The following C2orf74 variants were observed in gnomAD, a reference collection of about 807,000 sequenced individuals.
C2orf74 encodes DPM1 ER membrane anchor 1.
A neutral mutation model predicts 17.9 loss-of-function variants in C2orf74; 14 were observed. The observed-to-expected ratio is 0.78, with a 90% CI of 0.52 to 1.22. C2orf74 has a LOEUF of 1.22. Among genes scored for constraint, C2orf74 ranks in the 50% most tolerant of loss-of-function variants. C2orf74 has a pLI of 0.00. For synonymous variants in C2orf74, 79 were observed against 72.6 expected (o/e 1.09, Z -0.44); for missense variants, 217 against 218.4 (o/e 0.99, Z 0.04).
At chr2:61,147,841 C>T (rs917857813) in intron 1 of C2orf74, among the ~76,000 whole-genome samples, 4 of 151,420 alleles carry the variant, frequency 2.6e-5, no homozygotes, top group Non-Finnish European at 2.9e-5. Flanking sequence ...GATCTTGGCT[C>T]ACTGCAACCT....
intron 1 of C2orf74, among the ~76,000 whole-genome samples, chr2:61,146,849 C>A (rs28377588): frequency 2.1e-5 from 3 of 140,994 alleles, no homozygotes; most frequent in Admixed American, 7.0e-5. Context: ...AAAAAAAAAA[C>A]AAAAAACAAA....
chr2:61,150,222 C>G (rs1323200313), intron 1 of C2orf74, among the ~76,000 whole-genome samples: 1 of 152,190 alleles, frequency 6.6e-6, no homozygotes, highest in Non-Finnish European at 1.5e-5. Context: ...GATCCAAGTT[C>G]TGTGCCCCAG....
At chr2:61,160,159 A>G (rs994452810), upstream of C2orf74, among the ~76,000 whole-genome samples, 1 of 119,422 alleles carries the variant, frequency 8.4e-6, no homozygotes, top group Admixed American at 8.4e-5. Context: ...TCAGAATGTC[A>G]TTCCTTTTTT....
chr2:61,150,782 G>A (rs1264281901), intron 1 of C2orf74, among the ~76,000 whole-genome samples: 9 of 152,280 alleles, frequency 5.9e-5, no homozygotes, highest in Non-Finnish European at 8.8e-5. Flanking sequence ...TGAGGAAAAG[G>A]CAAGGGAGGG....
intron 1 of C2orf74, among the ~76,000 whole-genome samples, chr2:61,153,143 C>G (rs1260675771): frequency 7.3e-6 from 1 of 137,720 alleles, no homozygotes; most frequent in African/African-American, 2.7e-5. Flanking sequence ...AGCAAAACTC[C>G]GTCTCCAAAA....
chr2:61,160,791 C>T (rs1341875200), upstream of C2orf74, among the ~76,000 whole-genome samples: 1 of 152,186 alleles, frequency 6.6e-6, no homozygotes, highest in Non-Finnish European at 1.5e-5. Context: ...TGCCCAGCCA[C>T]CACATTTTAT....
intron 1 of C2orf74, among the ~76,000 whole-genome samples, chr2:61,151,031 A>G (rs964618692): frequency 6.6e-6 from 1 of 152,014 alleles, no homozygotes; most frequent in Non-Finnish European, 1.5e-5. Context: ...TAAGATGTCA[A>G]AACAGACTGG....
chr2:61,147,459 G>A (rs1685104272), intron 1 of C2orf74, among the ~76,000 whole-genome samples: 1 of 152,110 alleles, frequency 6.6e-6, no homozygotes, highest in African/African-American at 2.4e-5. Flanking sequence ...ATTTCCATCT[G>A]CAGTATCGAA....
At chr2:61,158,291 G>C (rs928480035), upstream of C2orf74, among the ~76,000 whole-genome samples, 1 of 152,200 alleles carries the variant, frequency 6.6e-6, no homozygotes, top group Non-Finnish European at 1.5e-5. Flanking sequence ...AATCAGTGTA[G>C]TGTAGGAGGT....
intron 1 of C2orf74, among the ~76,000 whole-genome samples, chr2:61,152,898 G>A (rs1395176432): frequency 4.0e-5 from 6 of 149,110 alleles, no homozygotes; most frequent in African/African-American, 1.5e-4. Flanking sequence ...GCTCGCGCCT[G>A]TAATCCCAGT....
intron 1 of C2orf74, among the ~76,000 whole-genome samples, chr2:61,150,876 G>A (rs1685204541): frequency 6.6e-6 from 1 of 152,184 alleles, no homozygotes; most frequent in Non-Finnish European, 1.5e-5. Context: ...GAGGAATGTT[G>A]TCTCCTGAGG....
intron 1 of C2orf74, among the ~76,000 whole-genome samples, chr2:61,155,374 A>AT (rs1405437722): frequency 6.6e-6 from 1 of 151,978 alleles, no homozygotes; most frequent in East Asian, 1.9e-4. Flanking sequence ...TTCTCTTTTG[A>AT]TTTTTTTAAT....
chr2:61,152,254 C>G (rs1685250642), intron 1 of C2orf74: 1 of 152,282 alleles, frequency 6.6e-6, no homozygotes, highest in African/African-American at 2.4e-5. Flanking sequence ...TAAACATTAC[C>G]AAGCATGTCG....
rs1439996760 is a variant in C2orf74 at position 61,153,276 on chromosome 2, T to G, written c.-122+8080T>G. Among the ~76,000 whole-genome samples, 11 of 152,134 alleles carry G rather than the reference T, an allele frequency of 7.2e-5. No individual in the cohort carries two copies. The East Asian group carries it at 2.1e-3, about 30-fold the overall frequency. On this transcript the variant is annotated intron_variant, in intron 1 of 3. Transcript: ENST00000426997. ...AATCAATAGTAGAAGGATAAAGATG[T>G]GAAATTTATTTATTTATTTTTTGAG... is the stretch of plus-strand genomic sequence containing the variant.
chr2:61,162,833 T>C lies in C2orf74; in HGVS notation c.96-9T>C. 6.5e-7 allele frequency: 1 copy of C among 1,550,250 alleles called. No homozygotes were observed. The highest frequency in any genetic ancestry group is 2.4e-5 in the East Asian group (1 of 41,048). On this transcript the variant is annotated splice_polypyrimidine_tract_variant and intron_variant, in intron 2 of 4. Coordinates refer to ENST00000432605, the MANE Select transcript of C2orf74 (RefSeq NM_001143959.4). Reference sequence around the variant, plus strand: ...TCCTTTTCTGAATTTGTGGCTTGTTTGTTTTCAGTTTCCAAGGCAGGAAAG... The same window carrying C: ...TCCTTTTCTGAATTTGTGGCTTGTTCGTTTTCAGTTTCCAAGGCAGGAAAG...
intron 1 of C2orf74, among the ~76,000 whole-genome samples, chr2:61,149,524 C>T (rs1487350482): frequency 2.7e-5 from 4 of 150,682 alleles, no homozygotes; most frequent in Non-Finnish European, 1.5e-5. Flanking sequence ...AAAATAGGGA[C>T]GCTGTGGACT....
intron 4 of C2orf74, among the ~76,000 whole-genome samples, chr2:61,164,039 C>T (rs762532884): frequency 2.0e-5 from 3 of 152,066 alleles, no homozygotes; most frequent in Non-Finnish European, 4.4e-5. Context: ...TTCCCTGACA[C>T]GAACAACTCA....
intron 4 of C2orf74, among the ~76,000 whole-genome samples, chr2:61,163,903 G>A (rs1251767750): frequency 2.0e-5 from 3 of 152,022 alleles, no homozygotes; most frequent in Non-Finnish European, 4.4e-5. Flanking sequence ...ATGAGAAAAC[G>A]AGATGAATTG....
In C2orf74 at chr2:61,164,345, C is replaced by A; in HGVS notation, c.391-9C>A. 6.5e-7 allele frequency: 1 copy of A among 1,529,292 alleles called. No homozygotes were observed. The highest frequency in any genetic ancestry group is 1.3e-5 in the South Asian group (1 of 79,560). 94.7% of individuals were successfully genotyped at this position (1,529,292 alleles called of 1,614,324 possible). The stretch of plus-strand genomic sequence containing the variant: ...ATTTGTTTATATTGTTTGTCCCATT[C>A]TCTTGCAGGATGATGGTTTGCAGAA... On this transcript the variant is annotated splice_polypyrimidine_tract_variant and intron_variant, in intron 4 of 4. Transcript: ENST00000432605.
Sources: allele counts gnomAD v4.1 joint callset (sites outside exome capture counted in the v4.1 genomes callset), GRCh38; gene constraint gnomAD v4.1.1; transcripts MANE v1.5; gene names NCBI Gene and HGNC (gene_info 2026-07-23, HGNC 2026-07-21).